The following PUDP variants were observed in gnomAD, a reference collection of about 807,000 sequenced individuals.
The protein encoded by PUDP is pseudouridine 5'-phosphatase, also known as pseudouridine-5'-phosphatase.
A neutral mutation model predicts 9.4 loss-of-function variants in PUDP; 8 were observed. The observed-to-expected ratio is 0.85, with a 90% CI of 0.50 to 1.53. The LOEUF is 1.53. PUDP is among the 40% of genes most tolerant of loss of function. PUDP has a pLI of 0.00. For missense variants in PUDP, 188 were observed against 189.7 expected, an observed-to-expected ratio of 0.99 and a Z score of 0.05; for synonymous variants, 99 against 80.7, an observed-to-expected ratio of 1.23 and a Z score of -1.22.
intron 2 of PUDP, among the ~76,000 whole-genome samples, chrX:7,079,031 C>T (rs1184875562): frequency 1.8e-5 from 2 of 111,979 alleles, no homozygotes; most frequent in Non-Finnish European, 3.8e-5. Context: ...AAGATAGACA[C>T]TATCAGAATA....
intron 1 of PUDP, among the ~76,000 whole-genome samples, chrX:7,117,636 T>C (rs1932232300): frequency 8.9e-6 from 1 of 112,940 alleles, no homozygotes. Flanking sequence ...TGCCTGGCCA[T>C]GTGGCAGAGA....
In PUDP at chrX:6,888,164, G is replaced by A. The variant is rs774341843; in HGVS notation, c.*247+88969C>T. 2.1e-4 allele frequency among the ~76,000 whole-genome samples: 23 copies of A among 111,032 alleles called. No individual in the cohort carries two copies. The South Asian group carries it at 8.9e-3, about 43-fold the overall frequency. On this transcript the variant is annotated intron_variant and NMD_transcript_variant, in intron 3 of 3. Coordinates refer to the PUDP transcript ENST00000655425. ...GTATTAAAATTCATTGCTAGAGGCC[G>A]CCCTAAGAATAATTCCTGGAAGTTG...
rs189280342 is a variant in PUDP at position 6,922,670 on chromosome X, C to T, written c.*247+54463G>A. ...CTTACAATGTTGACTTCTGCTCTGA[C>T]TTCACAGAAAGAAATGGAAAGGTTT... On this transcript the variant is annotated intron_variant and NMD_transcript_variant, in intron 3 of 3. Coordinates refer to the PUDP transcript ENST00000655425. Among the ~76,000 whole-genome samples, 494 of 111,916 alleles carry T rather than the reference C, an allele frequency of 4.4e-3. 1 individual carries two copies. Among genetic ancestry groups the T allele is most frequent in the Middle Eastern group, 9.2e-3 (2 of 217 alleles).
intron 3 of PUDP, among the ~76,000 whole-genome samples, chrX:6,954,620 A>C (rs185220189): frequency 8.9e-5 from 10 of 112,142 alleles, no homozygotes; most frequent in Non-Finnish European, 1.9e-4. Context: ...TAATTTGCTA[A>C]AAGGACTCAC....
chrX:7,089,568 C>T (rs1346846058), intron 2 of PUDP, among the ~76,000 whole-genome samples: 1 of 110,770 alleles, frequency 9.0e-6, no homozygotes, highest in Admixed American at 9.6e-5. Context: ...TCGTTTTATC[C>T]TGCCTTTTGT....
intron 1 of PUDP, among the ~76,000 whole-genome samples, chrX:7,139,069 T>C (rs1185572167): frequency 8.9e-6 from 1 of 112,164 alleles, no homozygotes. Context: ...CCAAATGTGA[T>C]TTCAGTTCAA....
chrX:6,853,914 C>A (rs903136463), intron 3 of PUDP, among the ~76,000 whole-genome samples: 1 of 110,995 alleles, frequency 9.0e-6, no homozygotes, highest in East Asian at 2.8e-4. Flanking sequence ...CAGCCATGCA[C>A]CACCACACCC....
intron 3 of PUDP, among the ~76,000 whole-genome samples, chrX:6,958,728 A>G (rs888551500): frequency 1.1e-4 from 10 of 94,663 alleles, no homozygotes; most frequent in Non-Finnish European, 1.9e-4. Context: ...TTGGGCAACA[A>G]AAGTGAAATG....
intron 3 of PUDP, among the ~76,000 whole-genome samples, chrX:6,905,815 T>C (rs954332844): frequency 8.9e-6 from 1 of 111,997 alleles, no homozygotes; most frequent in Non-Finnish European, 1.9e-5. Flanking sequence ...GGGAATCACA[T>C]ATAAGAGGTA....
At chrX:7,061,261 G>A (rs1485779478) in intron 3 of PUDP, among the ~76,000 whole-genome samples, 2 of 111,045 alleles carry the variant, frequency 1.8e-5, no homozygotes, top group Admixed American at 9.6e-5. Flanking sequence ...AGCTTTTCCA[G>A]TTATTTTTCC....
At chrX:6,810,266 G>A (rs1926121393) in intron 3 of PUDP, among the ~76,000 whole-genome samples, 1 of 111,503 alleles carries the variant, frequency 9.0e-6, no homozygotes, top group African/African-American at 3.3e-5. Context: ...ATAAAGTAGG[G>A]ATAACATGCC....
chrX:7,074,047 C>T (rs1175192221), intron 3 of PUDP, among the ~76,000 whole-genome samples: 1 of 112,691 alleles, frequency 8.9e-6, no homozygotes, highest in Non-Finnish European at 1.9e-5. Context: ...GCAATGGCAG[C>T]ATGTGGTTTC....
chrX:7,144,444 C>G (rs1314598587), intron 1 of PUDP, among the ~76,000 whole-genome samples: 2 of 112,095 alleles, frequency 1.8e-5, no homozygotes, highest in African/African-American at 6.5e-5. Flanking sequence ...GCAAAACACA[C>G]TCACGCTATG....
intron 1 of PUDP, among the ~76,000 whole-genome samples, chrX:6,991,267 A>T (rs1410226629): frequency 1.8e-5 from 2 of 110,234 alleles, no homozygotes; most frequent in African/African-American, 6.6e-5. Context: ...CTCTTTTAAG[A>T]TTTTTTTTTC....
At chrX:6,993,209 C>T (rs566441255) in intron 1 of PUDP, among the ~76,000 whole-genome samples, 2 of 111,463 alleles carry the variant, frequency 1.8e-5, no homozygotes, top group African/African-American at 6.5e-5. Context: ...TACCTCTATC[C>T]TATTAGTCCT....
intron 3 of PUDP, among the ~76,000 whole-genome samples, chrX:6,794,387 G>A (rs889571899): frequency 1.8e-5 from 2 of 111,116 alleles, no homozygotes; most frequent in Non-Finnish European, 3.8e-5. Flanking sequence ...AGATAAAAAC[G>A]GTTCCCCTAT....
intron 1 of PUDP, among the ~76,000 whole-genome samples, chrX:7,007,553 C>G (rs1929418461): frequency 8.9e-6 from 1 of 112,499 alleles, no homozygotes; most frequent in Non-Finnish European, 1.9e-5. Flanking sequence ...AGTGAACTCC[C>G]TTTGTCTACT....
intron 1 of PUDP, among the ~76,000 whole-genome samples, chrX:6,995,742 AAAT>A (rs1244618877): frequency 9.2e-6 from 1 of 108,755 alleles, no homozygotes; most frequent in East Asian, 2.9e-4. Context: ...TAAAAAATAA[AAAT>A]AAAAATATGA....
At chrX:6,918,331 T>C (rs1216786831) in intron 3 of PUDP, among the ~76,000 whole-genome samples, 1 of 112,155 alleles carries the variant, frequency 8.9e-6, no homozygotes, top group Non-Finnish European at 1.9e-5. Flanking sequence ...TGTAAACCAG[T>C]CTCAGAGAAA....
Sources: allele counts gnomAD v4.1 joint callset (sites outside exome capture counted in the v4.1 genomes callset), GRCh38; gene constraint gnomAD v4.1.1; transcripts MANE v1.5; gene names NCBI Gene and HGNC (gene_info 2026-07-23, HGNC 2026-07-21).